The following OGN variants were observed in gnomAD, a reference collection of about 807,000 sequenced individuals.
The protein encoded by OGN is mimecan.
A neutral mutation model predicts 30.8 loss-of-function variants in OGN; 19 were observed. The ratio of observed to expected loss-of-function variants is 0.62; its 90% CI spans 0.43 to 0.90. The LOEUF (loss-of-function observed/expected upper bound fraction) is 0.90. OGN is among the 40% of genes least tolerant of loss of function. The pLI is 0.00. For synonymous variants in OGN, 126 were observed against 128.3 expected (o/e 0.98, Z 0.12); for missense variants, 283 against 349.7 (o/e 0.81, Z 1.52).
chr9:92,398,418 C>T (rs1298912642), intron 3 of OGN, among the ~76,000 whole-genome samples: 1 of 152,122 alleles, frequency 6.6e-6, no homozygotes, highest in Non-Finnish European at 1.5e-5. Flanking sequence ...CTGCCATCCC[C>T]TCTCCCCCAA....
chr9:92,389,372 C>T (rs1007810166), intron 5 of OGN, among the ~76,000 whole-genome samples: 1 of 152,148 alleles, frequency 6.6e-6, no homozygotes, highest in Non-Finnish European at 1.5e-5. Flanking sequence ...TACATGCTCT[C>T]ATGAAATTCA....
At chr9:92,390,587 T>TGTGTGTGTGTGTGTGTGCGC (rs749697394) in intron 4 of OGN, among the ~76,000 whole-genome samples, 7 of 141,814 alleles carry the variant, frequency 4.9e-5, no homozygotes, top group Non-Finnish European at 9.5e-5. Context: ...TGTGTGTGTG[T>TGTGTGTGTGTGTGTGTGCGC]GCGCGCGCGC....
rs1228842958 is a variant in OGN at position 92,384,951 on chromosome 9, A to G, written c.*669T>C. 6.6e-6 allele frequency: 1 copy of G among 152,552 alleles called. No homozygotes were observed. The highest frequency in any genetic ancestry group is 1.9e-4 in the East Asian group (1 of 5,202). 9.4% of individuals were successfully genotyped at this position (152,552 alleles called of 1,614,324 possible). ...GAATGTTAATATTTAGATAAAGAAAATATTTTACTGAAGACATTACCAGAA... is the reference window on the plus strand; with the variant it reads ...GAATGTTAATATTTAGATAAAGAAAGTATTTTACTGAAGACATTACCAGAA... On this transcript the variant is annotated 3_prime_UTR_variant, in exon 7 of 7. Coordinates refer to ENST00000375561, the MANE Select transcript of OGN (RefSeq NM_014057.5).
rs76486118 is a variant in OGN at position 92,398,931 on chromosome 9, G to A, written c.268+2161C>T. On this transcript the variant is annotated intron_variant, in intron 3 of 6. Coordinates refer to ENST00000375561, the MANE Select transcript of OGN (RefSeq NM_014057.5). ...CAATAAATTAGCCTGGCGTGGTGGCGCGTGCCTGTAATCCCAGCTACTCGG... is the reference window on the plus strand; with the variant it reads ...CAATAAATTAGCCTGGCGTGGTGGCACGTGCCTGTAATCCCAGCTACTCGG... Among the ~76,000 whole-genome samples, 744 of 152,026 alleles carry A rather than the reference G, an allele frequency of 4.9e-3. 4 individuals are homozygous for A. Among genetic ancestry groups the A allele is most frequent in the African/African-American group, 0.015 (640 of 41,464 alleles).
intron 3 of OGN, among the ~76,000 whole-genome samples, chr9:92,396,638 A>G (rs1371014298): frequency 6.6e-6 from 1 of 151,042 alleles, no homozygotes; most frequent in East Asian, 2.0e-4. Flanking sequence ...ATCATGGTTC[A>G]CTGCAAACCT....
At chr9:92,394,854 G>T (rs1004427454) in intron 3 of OGN, among the ~76,000 whole-genome samples, 1 of 151,986 alleles carries the variant, frequency 6.6e-6, no homozygotes, top group Non-Finnish European at 1.5e-5. Context: ...TGATCTGCCC[G>T]CCTCAGCCTC....
Position 92,385,721 on chromosome 9 carries a change from G to A in OGN, c.796C>T (p.Arg266Cys), listed in dbSNP as rs375943971. 14 of 1,613,880 alleles carry A rather than the reference G, an allele frequency of 8.7e-6. No homozygotes were observed. The highest frequency in any genetic ancestry group is 2.7e-5 in the African/African-American group (2 of 74,896). ...CCCTCCAGGCGTATCTCTTCAATGC[G>A]GTCCCGGATGTAACTGGTGTCATTA... is the stretch of plus-strand genomic sequence containing the variant. ...KANDTSYIRD[R>C]IEEIRLEGNP... Residue 266 changes from arginine (R) to cysteine (C), a missense_variant, in exon 7 of 7, where the codon CGC becomes TGC. By Grantham distance (180) the Arg-to-Cys change is radical. Coordinates refer to ENST00000375561, the MANE Select transcript of OGN (RefSeq NM_014057.5).
intron 4 of OGN, among the ~76,000 whole-genome samples, chr9:92,390,594 G>A (rs569531315): frequency 2.6e-5 from 4 of 152,222 alleles, no homozygotes; most frequent in East Asian, 1.9e-4. Context: ...GTGTGCGCGC[G>A]CGCGTACTTG....
chr9:92,400,693 A>G (rs1667470549), intron 3 of OGN, among the ~76,000 whole-genome samples: 1 of 152,246 alleles, frequency 6.6e-6, no homozygotes, highest in African/African-American at 2.4e-5. Context: ...TTTAATTGAA[A>G]TGTATGTGTA....
chr9:92,394,345 C>T (rs767525151), intron 3 of OGN, among the ~76,000 whole-genome samples: 16 of 151,710 alleles, frequency 1.1e-4, no homozygotes, highest in South Asian at 2.1e-4. Context: ...CCATTTCAAG[C>T]GATTCTTCTG....
chr9:92,388,292 G>T (rs2130887033), intron 5 of OGN, among the ~76,000 whole-genome samples: 1 of 151,592 alleles, frequency 6.6e-6, no homozygotes, highest in Middle Eastern at 3.4e-3. Flanking sequence ...CTCCTGAGTA[G>T]CTGGGACTAC....
chr9:92,400,720 T>A (rs556663195), intron 3 of OGN, among the ~76,000 whole-genome samples: 1 of 152,366 alleles, frequency 6.6e-6, no homozygotes, highest in East Asian at 1.9e-4. Context: ...GATGTATATG[T>A]GTGTTTCTGT....
intron 6 of OGN, among the ~76,000 whole-genome samples, 187 bp from the exon 7 acceptor site, chr9:92,385,977 C>G (rs1031832250): frequency 5.3e-5 from 8 of 152,194 alleles, no homozygotes; most frequent in Non-Finnish European, 1.0e-4. Flanking sequence ...AGACTTCACA[C>G]GTACTGTGCT....
In OGN at chr9:92,390,073, A is replaced by G. The variant is rs1275642905; in HGVS notation, c.428-17T>C. The G allele has an allele frequency of 1.4e-6, 2 of 1,415,942 alleles. No individual in the cohort carries two copies. Among genetic ancestry groups the G allele is most frequent in the Non-Finnish European group, 2.0e-6 (2 of 1,020,398 alleles). The allele number at this position is 1,415,942 out of a possible 1,614,324, so 87.7% of individuals were successfully genotyped here. On this transcript the variant is annotated splice_polypyrimidine_tract_variant and intron_variant, in intron 4 of 6. Transcript: ENST00000375561. ...TTAAGTTAGCTAGAGGGAAAAAAAT[A>G]TAAAAAACAACTACGTAAGTAAAAT...
intron 6 of OGN, 65 bp downstream of exon 6, chr9:92,386,136 A>T: frequency 8.2e-7 from 1 of 1,226,104 alleles, no homozygotes; most frequent in Non-Finnish European, 1.2e-6. Context: ...TGAGGTTCCC[A>T]ATGAGTCACA....
chr9:92,404,413 C>G, intron 1 of OGN, 83 bp downstream of exon 1: 3 of 890,138 alleles, frequency 3.4e-6, no homozygotes, highest in South Asian at 3.4e-5. Context: ...CAGAGATGGC[C>G]TTTACATTTA....
intron 3 of OGN, among the ~76,000 whole-genome samples, chr9:92,394,899 G>A (rs769587918): frequency 8.6e-5 from 13 of 152,020 alleles, no homozygotes; most frequent in East Asian, 1.9e-4. Context: ...GAGCCACCAC[G>A]CCCGGCCTAT....
rs1842344528 is a variant in OGN at position 92,384,360 on chromosome 9, A to G, written c.*1260T>C. 1 of 152,184 alleles carries G rather than the reference A, an allele frequency of 6.6e-6. No individual in the cohort carries two copies. Among genetic ancestry groups the G allele is most frequent in the South Asian group, 2.1e-4 (1 of 4,828 alleles). The allele number at this position is 152,184 out of a possible 1,614,324, so 9.4% of individuals were successfully genotyped here. On this transcript the variant is annotated 3_prime_UTR_variant, in exon 7 of 7. Coordinates refer to ENST00000375561, the MANE Select transcript of OGN (RefSeq NM_014057.5). ...AAGTATGTATTCTGTACACAGAGAC[A>G]ACTTGATTTCAATACATACTTTATG...
intron 3 of OGN, among the ~76,000 whole-genome samples, chr9:92,395,154 C>T (rs1276642612): frequency 1.3e-5 from 2 of 152,136 alleles, no homozygotes; most frequent in African/African-American, 2.4e-5. Flanking sequence ...AATTAACATA[C>T]CTGTCACTCC....
Sources: allele counts gnomAD v4.1 joint callset (sites outside exome capture counted in the v4.1 genomes callset), GRCh38; gene constraint gnomAD v4.1.1; transcripts MANE v1.5; gene names NCBI Gene and HGNC (gene_info 2026-07-23, HGNC 2026-07-21).